Variants in CCDC178 observed in about 807,000 individuals in gnomAD.
CCDC178 encodes the protein coiled-coil domain-containing protein 178.
CCDC178 carries 126 observed loss-of-function variants against 117.4 expected under a neutral mutation model. The ratio of observed to expected loss-of-function variants is 1.07; its 90% CI spans 0.93 to 1.24. The LOEUF is 1.24. Ranked by LOEUF, CCDC178 falls within the 50% of genes most tolerant of loss-of-function variation. The pLI is 0.00. For missense variants in CCDC178, 1,030 were observed against 986.9 expected (o/e 1.04, Z -0.59); for synonymous variants, 283 against 313.4 (o/e 0.90, Z 1.02).
intron 15 of CCDC178, among the ~76,000 whole-genome samples, chr18:33,244,760 C>A (rs2059527145): frequency 6.6e-6 from 1 of 151,946 alleles, no homozygotes; most frequent in Non-Finnish European, 1.5e-5. Context: ...ATACATCTCT[C>A]ACTTAGGAGT....
intron 20 of CCDC178, among the ~76,000 whole-genome samples, chr18:33,181,720 A>G (rs1044701167): frequency 1.3e-5 from 2 of 151,950 alleles, no homozygotes; most frequent in Non-Finnish European, 2.9e-5. Flanking sequence ...ACATTAATAT[A>G]GTCTGTGTTT....
At chr18:33,229,461 T>C (rs1486673209) in intron 15 of CCDC178, among the ~76,000 whole-genome samples, 1 of 152,170 alleles carries the variant, frequency 6.6e-6, no homozygotes, top group East Asian at 1.9e-4. Flanking sequence ...TAAGATACAT[T>C]ATATGCTTTC....
intron 20 of CCDC178, among the ~76,000 whole-genome samples, chr18:33,102,426 A>T (rs925437249): frequency 7.2e-4 from 103 of 142,114 alleles, no homozygotes; most frequent in African/African-American, 2.5e-3. Flanking sequence ...CTTTGAAGTA[A>T]AAAAAAAAAA....
At chr18:33,055,683 A>G (rs950853871) in intron 21 of CCDC178, among the ~76,000 whole-genome samples, 2 of 152,206 alleles carry the variant, frequency 1.3e-5, no homozygotes, top group African/African-American at 4.8e-5. Flanking sequence ...GCTTTTGCCT[A>G]TACAATGAAG....
chr18:33,325,184 A>G (rs1199724970), intron 10 of CCDC178, among the ~76,000 whole-genome samples: 5 of 151,814 alleles, frequency 3.3e-5, no homozygotes, highest in Non-Finnish European at 5.9e-5. Flanking sequence ...TGCTTGTGTG[A>G]AATAGTTCTT....
chr18:33,082,752 C>A (rs1408942354), intron 21 of CCDC178, among the ~76,000 whole-genome samples: 3 of 151,372 alleles, frequency 2.0e-5, no homozygotes, highest in Admixed American at 2.0e-4. Context: ...AAATAAAATA[C>A]GTATTCTAAA....
intron 21 of CCDC178, among the ~76,000 whole-genome samples, chr18:33,073,081 G>A (rs929053447): frequency 4.6e-5 from 7 of 151,740 alleles, no homozygotes; most frequent in African/African-American, 7.3e-5. Context: ...CTCACTTCTT[G>A]TTTCAGGGCC....
chr18:33,273,988 T>C (rs2059916860), intron 12 of CCDC178, among the ~76,000 whole-genome samples: 1 of 151,768 alleles, frequency 6.6e-6, no homozygotes. Context: ...TTTCAAACAA[T>C]CTATCTGATG....
intron 20 of CCDC178, among the ~76,000 whole-genome samples, chr18:33,202,470 G>A (rs574965556): frequency 2.1e-5 from 3 of 142,938 alleles, no homozygotes; most frequent in African/African-American, 5.2e-5. Flanking sequence ...AAATTCAGTC[G>A]TCAAAAGTTC....
chr18:33,283,003 G>T (rs888452066), intron 12 of CCDC178, among the ~76,000 whole-genome samples: 1 of 152,058 alleles, frequency 6.6e-6, no homozygotes, highest in African/African-American at 2.4e-5. Flanking sequence ...CTCCAGCAGG[G>T]GCCTCCTTCT....
intron 2 of CCDC178, among the ~76,000 whole-genome samples, chr18:33,434,457 G>T (rs1198726228): frequency 2.6e-5 from 4 of 152,032 alleles, no homozygotes; most frequent in African/African-American, 7.2e-5. Flanking sequence ...CATAATATTT[G>T]CTAAGTAATC....
chr18:32,940,262 T>G (rs536067742), intron 22 of CCDC178, among the ~76,000 whole-genome samples: 1 of 152,012 alleles, frequency 6.6e-6, no homozygotes, highest in Non-Finnish European at 1.5e-5. Flanking sequence ...AAAAATAAGA[T>G]TTATAATTCT....
intron 7 of CCDC178, among the ~76,000 whole-genome samples, chr18:33,351,454 A>G (rs1041498118): frequency 1.3e-5 from 2 of 152,220 alleles, no homozygotes; most frequent in South Asian, 4.2e-4. Flanking sequence ...TGGCCTCCCA[A>G]AGTGCTGGGA....
At chr18:33,103,164 T>A (rs779272889) in intron 20 of CCDC178, among the ~76,000 whole-genome samples, 1 of 151,690 alleles carries the variant, frequency 6.6e-6, no homozygotes. Flanking sequence ...GGCCTGAGAA[T>A]CATGGTGGGA....
At chr18:33,404,522 G>A (rs1436192068) in intron 3 of CCDC178, among the ~76,000 whole-genome samples, 1 of 152,002 alleles carries the variant, frequency 6.6e-6, no homozygotes, top group Admixed American at 6.6e-5. Flanking sequence ...TGTAAACTAT[G>A]GCTGCTTCTG....
intron 20 of CCDC178, among the ~76,000 whole-genome samples, chr18:33,098,191 G>A (rs2057570714): frequency 6.6e-6 from 1 of 152,088 alleles, no homozygotes; most frequent in Admixed American, 6.6e-5. Context: ...AGGTGGTTAT[G>A]ATTAAAATAT....
At chr18:33,428,367 G>T (rs749630968) in intron 2 of CCDC178, among the ~76,000 whole-genome samples, 7 of 151,994 alleles carry the variant, frequency 4.6e-5, no homozygotes, top group Non-Finnish European at 7.4e-5. Flanking sequence ...GCAGCCTACT[G>T]GCCCTATTTT....
chr18:33,213,611 T>C, intron 19 of CCDC178, among the ~76,000 whole-genome samples: 1 of 151,996 alleles, frequency 6.6e-6, no homozygotes, highest in Non-Finnish European at 1.5e-5. Context: ...TATTGAATTA[T>C]ATTAATTATA....
intron 11 of CCDC178, among the ~76,000 whole-genome samples, chr18:33,306,271 C>T (rs539289484): frequency 6.6e-6 from 1 of 152,072 alleles, no homozygotes; most frequent in African/African-American, 2.4e-5. Flanking sequence ...CTTGGATTAT[C>T]TATTGGGAAA....
Sources: allele counts gnomAD v4.1 joint callset (sites outside exome capture counted in the v4.1 genomes callset), GRCh38; gene constraint gnomAD v4.1.1; transcripts MANE v1.5; gene names NCBI Gene and HGNC (gene_info 2026-07-23, HGNC 2026-07-21).